EPB41L4B: variants seen among roughly 807,000 people sequenced by gnomAD.
EPB41L4B encodes the protein erythrocyte membrane protein band 4.1 like 4B.
In EPB41L4B, 30 loss-of-function variants were observed where a neutral mutation model predicts 112.5. That is an observed-to-expected ratio of 0.27 (90% CI 0.20 to 0.36). EPB41L4B has a LOEUF of 0.36. EPB41L4B is among the 10% of genes least tolerant of loss of function. The pLI is 1.00. For missense variants in EPB41L4B, 1,024 were observed against 1,133.3 expected, an observed-to-expected ratio of 0.90 and a Z score of 1.38; for synonymous variants, 408 against 439.7, an observed-to-expected ratio of 0.93 and a Z score of 0.90.
intron 2 of EPB41L4B, among the ~76,000 whole-genome samples, chr9:109,272,947 TCA>T (rs1835678388): frequency 6.6e-6 from 1 of 152,108 alleles, no homozygotes; most frequent in Non-Finnish European, 1.5e-5. Context: ...GAATTCAAAC[TCA>T]CACCCCTGTC....
intron 1 of EPB41L4B, among the ~76,000 whole-genome samples, chr9:109,289,315 C>A (rs539680492): frequency 6.6e-6 from 1 of 152,222 alleles, no homozygotes; most frequent in African/African-American, 2.4e-5. Flanking sequence ...AGGCTTGGCT[C>A]GTGTCCTTCC....
intron 17 of EPB41L4B, among the ~76,000 whole-genome samples, chr9:109,211,904 T>TGGGGC (rs1554746751): frequency 6.7e-6 from 1 of 148,444 alleles, no homozygotes; most frequent in Non-Finnish European, 1.5e-5. Context: ...ATAGTAGAGA[T>TGGGGC]GGGGGGGGTC....
At chr9:109,218,385 G>C (rs888138075) in intron 15 of EPB41L4B, among the ~76,000 whole-genome samples, 3 of 151,762 alleles carry the variant, frequency 2.0e-5, no homozygotes, top group Non-Finnish European at 4.4e-5. Flanking sequence ...CTCAGCCTCC[G>C]AAAGTGCTGG....
At chr9:109,213,044 C>T (rs1564269470) in intron 17 of EPB41L4B, among the ~76,000 whole-genome samples, 1 of 152,150 alleles carries the variant, frequency 6.6e-6, no homozygotes, top group African/African-American at 2.4e-5. Flanking sequence ...GGCCGTGTGA[C>T]CTTGAGAAAG....
At chr9:109,299,872 G>T (rs1278852406) in intron 1 of EPB41L4B, among the ~76,000 whole-genome samples, 3 of 152,212 alleles carry the variant, frequency 2.0e-5, no homozygotes, top group African/African-American at 7.2e-5. Flanking sequence ...TTTTACAGCT[G>T]TGTGGGGATG....
chr9:109,232,350 C>G (rs1330613228), intron 15 of EPB41L4B, among the ~76,000 whole-genome samples: 2 of 151,772 alleles, frequency 1.3e-5, no homozygotes, highest in African/African-American at 4.8e-5. Context: ...TGTTCCTGTG[C>G]CTTTATTCTG....
chr9:109,224,272 C>G (rs1050996029), intron 15 of EPB41L4B, among the ~76,000 whole-genome samples: 2 of 152,076 alleles, frequency 1.3e-5, no homozygotes, highest in Non-Finnish European at 2.9e-5. Flanking sequence ...TAAGAGCCAA[C>G]AGGTAGAAAC....
chr9:109,192,203 C>T (rs989577068), intron 22 of EPB41L4B, 75 bp downstream of exon 22: 3 of 1,196,772 alleles, frequency 2.5e-6, no homozygotes, highest in Non-Finnish European at 1.2e-6. Flanking sequence ...ATGCCCACCT[C>T]TGTCCATCCG....
chr9:109,288,892 T>C (rs1836414323), intron 1 of EPB41L4B, among the ~76,000 whole-genome samples: 1 of 147,636 alleles, frequency 6.8e-6, no homozygotes, highest in South Asian at 2.2e-4. Flanking sequence ...CAGCAAGACC[T>C]TGTCAAAAAA....
At chr9:109,193,469 A>G (rs190922188) in intron 21 of EPB41L4B, among the ~76,000 whole-genome samples, 1 of 152,388 alleles carries the variant, frequency 6.6e-6, no homozygotes, top group Non-Finnish European at 1.5e-5. Context: ...TCGAAGAAAT[A>G]AAGGTTTTGG....
chr9:109,277,950 C>A (rs1349308541), intron 2 of EPB41L4B, among the ~76,000 whole-genome samples: 1 of 152,160 alleles, frequency 6.6e-6, no homozygotes, highest in Non-Finnish European at 1.5e-5. Context: ...TCTTGTCAAT[C>A]TGCTCAAATG....
At chr9:109,312,241 T>C (rs1385524532) in intron 1 of EPB41L4B, among the ~76,000 whole-genome samples, 1 of 152,230 alleles carries the variant, frequency 6.6e-6, no homozygotes, top group South Asian at 2.1e-4. Flanking sequence ...ACCAACCAGT[T>C]GCTATGCAGC....
chr9:109,209,378 G>A (rs1009107121), intron 17 of EPB41L4B, among the ~76,000 whole-genome samples: 1 of 151,830 alleles, frequency 6.6e-6, no homozygotes, highest in African/African-American at 2.4e-5. Context: ...AAAGGATCAT[G>A]GGCTGGGCAC....
chr9:109,206,921 G>T (rs7044279), intron 18 of EPB41L4B, among the ~76,000 whole-genome samples: 135,943 of 152,274 alleles, frequency 0.89, 60,898 homozygotes, highest in African/African-American at 0.97. Context: ...GCAGCAGCAG[G>T]TCCTCCTGCA....
chr9:109,203,490 T>C (rs190253819), intron 19 of EPB41L4B, among the ~76,000 whole-genome samples, 173 bp downstream of exon 19: 1 of 152,352 alleles, frequency 6.6e-6, no homozygotes, highest in Admixed American at 6.5e-5. Context: ...GCAACATTTT[T>C]GAGGCTTGCG....
chr9:109,267,404 G>T, intron 4 of EPB41L4B, 69 bp downstream of exon 4: 1 of 974,296 alleles, frequency 1.0e-6, no homozygotes, highest in South Asian at 1.4e-5. Context: ...ACCCACAATT[G>T]AGAAGAGCCA....
At chr9:109,197,359 G>T (rs899660685) in intron 20 of EPB41L4B, among the ~76,000 whole-genome samples, 1 of 152,092 alleles carries the variant, frequency 6.6e-6, no homozygotes, top group Non-Finnish European at 1.5e-5. Context: ...GGGGGCGGAG[G>T]CTGCAGTGAG....
intron 15 of EPB41L4B, chr9:109,240,584 G>C: frequency 1.0e-6 from 1 of 985,328 alleles, no homozygotes; most frequent in Non-Finnish European, 1.2e-6. Flanking sequence ...GCTTGAAATG[G>C]GGGAAATAAA....
chr9:109,304,659 T>A (rs1478300120), intron 1 of EPB41L4B, among the ~76,000 whole-genome samples: 1 of 152,124 alleles, frequency 6.6e-6, no homozygotes, highest in Non-Finnish European at 1.5e-5. Context: ...ATAATGAGGA[T>A]ACCAATAGGA....
Sources: allele counts gnomAD v4.1 joint callset (sites outside exome capture counted in the v4.1 genomes callset), GRCh38; gene constraint gnomAD v4.1.1; transcripts MANE v1.5; gene names NCBI Gene and HGNC (gene_info 2026-07-23, HGNC 2026-07-21).